The following FIGNL2 variants were observed in gnomAD, a reference collection of about 807,000 sequenced individuals.
The protein encoded by FIGNL2 is fidgetin like 2, also known as fidgetin-like protein 2.
For synonymous variants in FIGNL2, 565 were observed against 484.0 expected, an observed-to-expected ratio of 1.17 and a Z score of -2.20; for missense variants, 1,060 against 950.2, an observed-to-expected ratio of 1.12 and a Z score of -1.52.
intron 1 of FIGNL2, among the ~76,000 whole-genome samples, chr12:51,846,485 G>A (rs1474244800): frequency 6.6e-6 from 1 of 152,182 alleles, no homozygotes; most frequent in Non-Finnish European, 1.5e-5. Flanking sequence ...AGGGAGGGGA[G>A]TCCTGATCCA....
At chr12:51,833,723 G>A (rs1392431095) in intron 1 of FIGNL2, among the ~76,000 whole-genome samples, 4 of 152,262 alleles carry the variant, frequency 2.6e-5, no homozygotes, top group South Asian at 4.1e-4. Flanking sequence ...CCGTTGCCTC[G>A]GCAGACACTG....
chr12:51,820,651 T>C lies in FIGNL2; in HGVS notation c.1763A>G (p.Gln588Arg). ...LSERELAALV[Q>R]GTQGFSGGEL... is the part of the protein sequence containing the mutation. ...GCCCCCAGAGAAGCCCTGCGTGCCC[T>C]GCACCAGCGCCGCCAGTTCCCGCTC... The change falls in exon 2 of 2, where the codon CAG becomes CGG. Residue 588 changes from glutamine to arginine, a missense_variant. Gln to Arg is a conservative substitution (Grantham distance 43). Coordinates refer to ENST00000618634, the MANE Select transcript of FIGNL2 (RefSeq NM_001384995.1). 6.6e-7 allele frequency: 1 copy of C among 1,518,554 alleles called. No homozygotes were observed. The highest frequency in any genetic ancestry group is 1.2e-5 in the South Asian group (1 of 83,106). 94.1% of individuals were successfully genotyped at this position (1,518,554 alleles called of 1,614,324 possible). A position where few individuals can be genotyped will look rare whatever the true frequency, so the allele number is the denominator to read the frequency against.
Position 51,821,669 on chromosome 12 carries a change from C to A in FIGNL2, c.745G>T (p.Ala249Ser). The change falls in exon 2 of 2, where the codon GCC becomes TCC. Residue 249 changes from alanine (A) to serine (S), a missense_variant. Ala to Ser is a moderately conservative substitution (Grantham distance 99). Transcript: ENST00000618634. ...GGCGCGGCCGTGGGGAAGCCATAGG[C>A]GGTGGGCGGTGCCGGCGCGGGCAGG... is the stretch of plus-strand genomic sequence containing the variant. The part of the protein sequence containing the change: ...TPLPAPAPPT[A>S]YGFPTAAPGA... 1 of 1,327,976 alleles carries A rather than the reference C, an allele frequency of 7.5e-7. No individual in the cohort carries two copies. Among genetic ancestry groups the A allele is most frequent in the Non-Finnish European group, 9.6e-7 (1 of 1,041,900 alleles). The allele number at this position is 1,327,976 out of a possible 1,614,324, so 82.3% of individuals were successfully genotyped here. A position where few individuals can be genotyped will look rare whatever the true frequency, so the allele number is the denominator to read the frequency against.
intron 1 of FIGNL2, among the ~76,000 whole-genome samples, chr12:51,843,770 G>A (rs1225625119): frequency 6.6e-6 from 1 of 152,078 alleles, no homozygotes; most frequent in African/African-American, 2.4e-5. Context: ...ATGTCGGAGG[G>A]GGCTTCAAAT....
intron 1 of FIGNL2, among the ~76,000 whole-genome samples, chr12:51,842,591 T>A (rs1318484756): frequency 6.6e-6 from 1 of 152,212 alleles, no homozygotes; most frequent in Non-Finnish European, 1.5e-5. Context: ...GGCACTCGGC[T>A]GCAGGTGGAC....
In FIGNL2 at chr12:51,821,071, T is replaced by C. The variant is rs868808853; in HGVS notation, c.1343A>G (p.Gln448Arg). 192 of 1,283,542 alleles carry C rather than the reference T, an allele frequency of 1.5e-4. No homozygotes were observed. In the Middle Eastern group the frequency reaches 3.9e-3, roughly 26 times the overall value. 79.5% of individuals were successfully genotyped at this position (1,283,542 alleles called of 1,614,324 possible). A position where few individuals can be genotyped will look rare whatever the true frequency, so the allele number is the denominator to read the frequency against. The change falls in exon 2 of 2, where the codon CAG (glutamine) becomes CGG (arginine). Residue 448 changes from glutamine to arginine, a missense_variant. Coordinates refer to ENST00000618634, the MANE Select transcript of FIGNL2 (RefSeq NM_001384995.1). ...KALLGRCLAT[Q>R]LGATLLRLRG... The stretch of plus-strand genomic sequence containing the variant: ...CAGGCGCAACAGCGTGGCGCCCAGC[T>C]GCGTGGCGAGGCAGCGGCCCAGCAG...
In FIGNL2 at chr12:51,820,893, C is replaced by A; in HGVS notation, c.1521G>T (p.Gly507=). Residue 507 remains glycine (G), a synonymous_variant, in exon 2 of 2, where the codon GGG becomes GGT. Coordinates refer to ENST00000618634, the MANE Select transcript of FIGNL2 (RefSeq NM_001384995.1). ...LPARDDGAAA[G]GALQVPLLAC... ...CCAGGAGCGGCACCTGCAGCGCGCCCCCTGCCGCCGCGCCGTCGTCCCGGG... is the reference window on the plus strand; with the variant it reads ...CCAGGAGCGGCACCTGCAGCGCGCCACCTGCCGCCGCGCCGTCGTCCCGGG... The A allele has an allele frequency of 7.4e-7, 1 of 1,344,386 alleles. No individual in the cohort carries two copies. Among genetic ancestry groups the A allele is most frequent in the South Asian group, 2.0e-5 (1 of 51,008 alleles). 83.3% of individuals were successfully genotyped at this position (1,344,386 alleles called of 1,614,324 possible).
chr12:51,847,275 G>A (rs1939771157), intron 1 of FIGNL2: 2 of 985,288 alleles, frequency 2.0e-6, no homozygotes, highest in African/African-American at 3.5e-5. Context: ...GGCATCTGCG[G>A]GCCCAGCCCA....
chr12:51,826,473 C>CAAA (rs34534453), intron 1 of FIGNL2, among the ~76,000 whole-genome samples: 1 of 131,880 alleles, frequency 7.6e-6, no homozygotes, highest in Non-Finnish European at 1.6e-5. Context: ...ACTAAAAATA[C>CAAA]AAAAAAAAAA....
chr12:51,833,451 C>T lies in FIGNL2; in HGVS notation c.-11-11027G>A, dbSNP rs570132527. The stretch of plus-strand genomic sequence containing the variant: ...AAGCATGTTCCATAAGTCATTCTTC[C>T]ACCAAAAGCTTCCAGTGGCTCCCAT... On this transcript the variant is annotated intron_variant, in intron 1 of 1. Transcript: ENST00000618634. 1.1e-3 allele frequency among the ~76,000 whole-genome samples: 165 copies of T among 152,300 alleles called. 1 individual carries two copies. The highest frequency in any genetic ancestry group is 2.2e-3 in the Non-Finnish European group (152 of 68,016).
rs901951083 is a variant in FIGNL2 at position 51,848,540 on chromosome 12, C to T, written c.-12G>A. On this transcript the variant is annotated splice_region_variant and 5_prime_UTR_variant, in exon 1 of 2. Coordinates refer to ENST00000618634, the MANE Select transcript of FIGNL2 (RefSeq NM_001384995.1). ...TCCCGGCCCGCCCGCGGCCCCGTAC[C>T]TCGGCATCACGGCCGGGTCCTAGGT... is the stretch of plus-strand genomic sequence containing the variant. 17 of 984,094 alleles carry T rather than the reference C, an allele frequency of 1.7e-5. No homozygotes were observed. The African/African-American group carries it at 3.0e-4, about 17-fold the overall frequency. 61.0% of individuals were successfully genotyped at this position (984,094 alleles called of 1,614,324 possible). A position where few individuals can be genotyped will look rare whatever the true frequency, so the allele number is the denominator to read the frequency against.
At position 51,821,841 on chromosome 12, in the gene FIGNL2, T is replaced by G; in HGVS notation, c.573A>C (p.Pro191=). The part of the protein sequence containing the change: ...PPPPAALLQP[P]PPPGYGPSAP... Reference sequence around the variant, plus strand: ...CTGAGGGCCCGTACCCCGGAGGCGGTGGGGGCTGCAGGAGCGCGGCCGGGG... The same window carrying G: ...CTGAGGGCCCGTACCCCGGAGGCGGGGGGGGCTGCAGGAGCGCGGCCGGGG... The change falls in exon 2 of 2, where the codon CCA becomes CCC. Residue 191 remains proline (P), a synonymous_variant. Coordinates refer to ENST00000618634, the MANE Select transcript of FIGNL2 (RefSeq NM_001384995.1). 3.1e-6 allele frequency: 4 copies of G among 1,275,962 alleles called. No homozygotes were observed. The South Asian group carries it at 1.2e-4, about 40-fold the overall frequency. 79.0% of individuals were successfully genotyped at this position (1,275,962 alleles called of 1,614,324 possible). A position where few individuals can be genotyped will look rare whatever the true frequency, so the allele number is the denominator to read the frequency against.
intron 1 of FIGNL2, among the ~76,000 whole-genome samples, chr12:51,834,225 G>A (rs1939541249): frequency 6.6e-6 from 1 of 151,666 alleles, no homozygotes; most frequent in Admixed American, 6.6e-5. Context: ...ATGTGATGGT[G>A]AGGGTGGCAA....
At chr12:51,846,844 G>T (rs1172665819) in intron 1 of FIGNL2, among the ~76,000 whole-genome samples, 1 of 152,230 alleles carries the variant, frequency 6.6e-6, no homozygotes, top group Admixed American at 6.5e-5. Context: ...TCGCCCAGAA[G>T]ATATTACAGC....
At chr12:51,824,290 C>T (rs1282221708) in intron 1 of FIGNL2, 2 of 152,100 alleles carry the variant, frequency 1.3e-5, no homozygotes, top group Non-Finnish European at 2.9e-5. Flanking sequence ...TGTATATAGT[C>T]GAAGAGGAAG....
chr12:51,839,698 G>A (rs1434913826), intron 1 of FIGNL2, among the ~76,000 whole-genome samples: 4 of 152,120 alleles, frequency 2.6e-5, no homozygotes, highest in Non-Finnish European at 4.4e-5. Context: ...TTGGTGCCCC[G>A]AAGCATGTTC....
intron 1 of FIGNL2, among the ~76,000 whole-genome samples, chr12:51,836,417 G>A (rs1939580347): frequency 6.6e-6 from 1 of 152,038 alleles, no homozygotes; most frequent in Non-Finnish European, 1.5e-5. Context: ...CAGCAGAGAG[G>A]GAGAAACGTG....
Position 51,820,128 on chromosome 12 carries a change from A to G in FIGNL2, c.*324T>C. On this transcript the variant is annotated 3_prime_UTR_variant, in exon 2 of 2. Transcript: ENST00000618634. ...GCCATTCAGATAGCGAGGAGACAAAAGCGTTGTGGCAAGAGAGCAGGAGTT... is the reference window on the plus strand; with the variant it reads ...GCCATTCAGATAGCGAGGAGACAAAGGCGTTGTGGCAAGAGAGCAGGAGTT... 1 of 352,142 alleles carries G rather than the reference A, an allele frequency of 2.8e-6. No homozygotes were observed. The allele number at this position is 352,142 out of a possible 1,614,324, so 21.8% of individuals were successfully genotyped here.
At chr12:51,837,545 C>T (rs1245747733) in intron 1 of FIGNL2, among the ~76,000 whole-genome samples, 3 of 152,186 alleles carry the variant, frequency 2.0e-5, no homozygotes, top group Non-Finnish European at 2.9e-5. Context: ...GCCCTGGGGC[C>T]GCCAGGCCCG....
Sources: gnomAD v4.1 joint callset for allele counts (sites outside exome capture counted in the v4.1 genomes callset) on GRCh38, gnomAD v4.1.1 for gene constraint, MANE v1.5 for transcripts, NCBI Gene and HGNC (gene_info 2026-07-23, HGNC 2026-07-21) for gene names.